Variants in CHIT1 observed in about 807,000 individuals in gnomAD.
CHIT1 encodes chitotriosidase-1.
A neutral mutation model predicts 52.0 loss-of-function variants in CHIT1; 47 were observed. The observed-to-expected ratio is 0.90, with a 90% CI of 0.71 to 1.15. The LOEUF is 1.15. CHIT1 is among the 50% of genes most tolerant of loss of function. The pLI, the probability that CHIT1 is intolerant of heterozygous loss-of-function variation, is 0.00. For synonymous variants in CHIT1, 242 were observed against 228.2 expected, an observed-to-expected ratio of 1.06 and a Z score of -0.54; for missense variants, 569 against 583.0, an observed-to-expected ratio of 0.98 and a Z score of 0.25.
rs563747129 is a variant in CHIT1 at position 203,216,307 on chromosome 1, G to C, written c.*582C>G. Reference sequence around the variant, plus strand: ...ATCTCGAAGACCCCTGAGTACCAGGGGTCTGAATTCTTAGTGTAATGCTGA... The same window carrying C: ...ATCTCGAAGACCCCTGAGTACCAGGCGTCTGAATTCTTAGTGTAATGCTGA... On this transcript the variant is annotated 3_prime_UTR_variant, in exon 11 of 11. Coordinates refer to ENST00000367229, the MANE Select transcript of CHIT1 (RefSeq NM_003465.3). 2.2e-6 allele frequency: 1 copy of C among 454,080 alleles called. No homozygotes were observed. The highest frequency in any genetic ancestry group is 1.6e-5 in the South Asian group (1 of 64,478). 28.1% of individuals were successfully genotyped at this position (454,080 alleles called of 1,614,324 possible).
In CHIT1 at chr1:203,225,655, C is replaced by T. The variant is rs548635283; in HGVS notation, c.257+14G>A. On this transcript the variant is annotated intron_variant, in intron 3 of 10. Coordinates refer to ENST00000367229, the MANE Select transcript of CHIT1 (RefSeq NM_003465.3). ...ACCACATCCCACCCACCCTGCTCCT[C>T]TGCTTTGGCTCACATCTTCTTCAGG... is the stretch of plus-strand genomic sequence containing the variant. The T allele has an allele frequency of 6.2e-7, 1 of 1,611,042 alleles. No homozygotes were observed. Among genetic ancestry groups the T allele is most frequent in the South Asian group, 1.1e-5 (1 of 91,008 alleles).
rs749765216 is a variant in CHIT1, at chr1:203,223,638, C to T, written c.337G>A (p.Ala113Thr). ...TQKFTDMVAT[A>T]NNRQTFVNSA... ...TTGACAAAGGTCTGACGGTTGTTGGCCGTGGCTACCATATCTGTGAACCTG... is the reference window on the plus strand; with the variant it reads ...TTGACAAAGGTCTGACGGTTGTTGGTCGTGGCTACCATATCTGTGAACCTG... Residue 113 changes from alanine (A) to threonine (T), a missense_variant, in exon 5 of 11, where the codon GCC becomes ACC. Coordinates refer to ENST00000367229, the MANE Select transcript of CHIT1 (RefSeq NM_003465.3). 2.5e-6 allele frequency: 4 copies of T among 1,614,148 alleles called. No individual in the cohort carries two copies. The highest frequency in any genetic ancestry group is 2.2e-5 in the East Asian group (1 of 44,888).
At chr1:203,224,190 C>T (rs1018081805) in intron 4 of CHIT1, among the ~76,000 whole-genome samples, 5 of 152,148 alleles carry the variant, frequency 3.3e-5, no homozygotes, top group African/African-American at 1.2e-4. Context: ...ACCCGTAGAG[C>T]GCTTTGTGTT....
At position 203,223,640 on chromosome 1, in the gene CHIT1, G is replaced by T; in HGVS notation, c.335C>A (p.Thr112Lys). Residue 112 changes from threonine (T) to lysine (K), a missense_variant, in exon 5 of 11, where the codon ACG (threonine) becomes AAG (lysine). By Grantham distance (78) the Thr-to-Lys change is moderately conservative. Transcript: ENST00000367229. ...GTQKFTDMVA[T>K]ANNRQTFVNS... The stretch of plus-strand genomic sequence containing the variant: ...GACAAAGGTCTGACGGTTGTTGGCC[G>T]TGGCTACCATATCTGTGAACCTGTG... 6.2e-7 allele frequency: 1 copy of T among 1,614,212 alleles called. No individual in the cohort carries two copies. Among genetic ancestry groups the T allele is most frequent in the South Asian group, 1.1e-5 (1 of 91,088 alleles).
At chr1:203,229,249 T>C (rs566728662) in intron 1 of CHIT1, among the ~76,000 whole-genome samples, 1 of 152,216 alleles carries the variant, frequency 6.6e-6, no homozygotes, top group African/African-American at 2.4e-5. Context: ...CAGTGGGCGC[T>C]TCTTGGATAA....
In CHIT1 at chr1:203,223,118, A is replaced by G. The variant is rs1410876537; in HGVS notation, c.605+17T>C. On this transcript the variant is annotated intron_variant, in intron 6 of 10. Coordinates refer to ENST00000367229, the MANE Select transcript of CHIT1 (RefSeq NM_003465.3). Reference sequence around the variant, plus strand: ...CCCTCAGAGAGCACAGCTCCAAGCCATCTGCCTGAGACTCACTGGGCGATT... The same window carrying G: ...CCCTCAGAGAGCACAGCTCCAAGCCGTCTGCCTGAGACTCACTGGGCGATT... 3 of 1,613,938 alleles carry G rather than the reference A, an allele frequency of 1.9e-6. No homozygotes were observed. Among genetic ancestry groups the G allele is most frequent in the Non-Finnish European group, 2.5e-6 (3 of 1,180,008 alleles).
rs1558158404 is a variant in CHIT1, at chr1:203,217,844, C to CCTAGACCATGGCCCCGCCCAGTCT, written c.1050_1051insAGACTGGGCGGGGCCATGGTCTAG (p.Lys350_Gly351insArgLeuGlyGlyAlaMetValTer). ...GCCCAGACCATGGCCCCGCCCAGTC[C>CCTAGACCATGGCCCCGCCCAGTCT]CTTCTGCTTCAGATAGCTGACCTGT... On this transcript the variant is annotated stop_gained and inframe_insertion, in exon 10 of 11. Coordinates refer to ENST00000367229, the MANE Select transcript of CHIT1 (RefSeq NM_003465.3). LOFTEE classifies it high-confidence loss of function. 2 of 1,613,488 alleles carry CCTAGACCATGGCCCCGCCCAGTCT rather than the reference C, an allele frequency of 1.2e-6. No homozygotes were observed. The highest frequency in any genetic ancestry group is 1.7e-5 in the Admixed American group (1 of 59,898).
intron 1 of CHIT1, 29 bp from the exon 2 acceptor site, chr1:203,228,591 G>T (rs777015160): frequency 1.8e-5 from 29 of 1,571,846 alleles, no homozygotes; most frequent in Middle Eastern, 3.4e-4. Context: ...GAAGGCCAGG[G>T]TTATGCTGCC....
intron 6 of CHIT1, 62 bp downstream of exon 6, chr1:203,223,073 G>C: frequency 6.2e-7 from 1 of 1,608,022 alleles, no homozygotes; most frequent in East Asian, 2.2e-5. Flanking sequence ...GGAAAGCTCA[G>C]TCTGCCCTTG....
Position 203,225,937 on chromosome 1 carries a change from A to T in CHIT1, c.56-67T>A, listed in dbSNP as rs146155118. The T allele has an allele frequency of 1.5e-4, 236 of 1,546,676 alleles. No homozygotes were observed. In the East Asian group the frequency reaches 4.9e-3, roughly 32 times the overall value. ...ACCTTCTGGGGACTGGTCACCCTCC[A>T]TCTGGGGTAGGCAATGTCCTTGGAC... On this transcript the variant is annotated intron_variant, in intron 2 of 10. Coordinates refer to ENST00000367229, the MANE Select transcript of CHIT1 (RefSeq NM_003465.3).
chr1:203,229,033 C>T (rs1305666433), intron 1 of CHIT1, among the ~76,000 whole-genome samples: 1 of 152,166 alleles, frequency 6.6e-6, no homozygotes, highest in Admixed American at 6.5e-5. Flanking sequence ...TGCCTTTCCG[C>T]TACCTGGCTG....
Position 203,216,824 on chromosome 1 carries a change from G to A in CHIT1, c.*65C>T, listed in dbSNP as rs1214670461. The A allele has an allele frequency of 1.2e-6, 2 of 1,610,094 alleles. No homozygotes were observed. Among genetic ancestry groups the A allele is most frequent in the African/African-American group, 1.3e-5 (1 of 74,844 alleles). On this transcript the variant is annotated 3_prime_UTR_variant, in exon 11 of 11. Coordinates refer to ENST00000367229, the MANE Select transcript of CHIT1 (RefSeq NM_003465.3). ...GATTGCGGCCCCCAGGGAAAACCCA[G>A]GAGGCAGGCTGTAGAGTGATCCTGG...
chr1:203,217,125 ATGGAAGACC>A lies in CHIT1; in HGVS notation c.1157-1_1164del, dbSNP rs1415224115. ...AGCTCTGGGGTGCCTGAAGGCAAGTATGGAAGACCTGGGAAGACAGTGAAGATTCAACCA... is the reference window on the plus strand; with the variant it reads ...AGCTCTGGGGTGCCTGAAGGCAAGTATGGGAAGACAGTGAAGATTCAACCA... On this transcript the variant is annotated splice_acceptor_variant and coding_sequence_variant, in exon 11 of 11. Coordinates refer to ENST00000367229, the MANE Select transcript of CHIT1 (RefSeq NM_003465.3). LOFTEE classifies it high-confidence loss of function. The A allele has an allele frequency of 1.9e-6, 3 of 1,605,476 alleles. No individual in the cohort carries two copies. Among genetic ancestry groups the A allele is most frequent in the Non-Finnish European group, 2.5e-6 (3 of 1,179,978 alleles).
rs775305615 is a variant in CHIT1 at position 203,219,819 on chromosome 1, C to G, written c.760G>C (p.Gly254Arg). ...AGGATCAGCTTGCTGGCAGGGGTCCCCTTCTGCAGCCACTGTTGCACAGCA... is the reference window on the plus strand; with the variant it reads ...AGGATCAGCTTGCTGGCAGGGGTCCGCTTCTGCAGCCACTGTTGCACAGCA... ...DAAVQQWLQK[G>R]TPASKLILGM... Residue 254 changes from glycine (G) to arginine (R), a missense_variant, in exon 8 of 11, where the codon GGG (glycine) becomes CGG (arginine). Physicochemically the swap from Gly to Arg is moderately radical, Grantham distance 125. Coordinates refer to ENST00000367229, the MANE Select transcript of CHIT1 (RefSeq NM_003465.3). 6.2e-7 allele frequency: 1 copy of G among 1,612,300 alleles called. No individual in the cohort carries two copies.
intron 5 of CHIT1, 41 bp downstream of exon 5, chr1:203,223,454 T>C (rs1469688501): frequency 1.2e-6 from 2 of 1,611,888 alleles, no homozygotes; most frequent in Middle Eastern, 1.9e-4. Context: ...CAGCTCTGGG[T>C]CCCTGCACAG....
At chr1:203,223,458 T>G (rs376370535) in intron 5 of CHIT1, 37 bp downstream of exon 5, 86 of 1,612,718 alleles carry the variant, frequency 5.3e-5, no homozygotes, top group Middle Eastern at 1.8e-4. Flanking sequence ...TCTGGGTCCC[T>G]GCACAGACTG....
Position 203,219,695 on chromosome 1 carries a change from G to A in CHIT1, c.884C>T (p.Thr295Ile). ...GTAGGCCAGCATCCCTCCTTCCTTGGTGAAGGGGCCTGGAGTGCCAGACCC... is the reference window on the plus strand; with the variant it reads ...GTAGGCCAGCATCCCTCCTTCCTTGATGAAGGGGCCTGGAGTGCCAGACCC... ...ATGSGTPGPF[T>I]KEGGMLAYYE... The change falls in exon 8 of 11, where the codon ACC (threonine) becomes ATC (isoleucine). Residue 295 changes from threonine (T) to isoleucine (I), a missense_variant. Physicochemically the swap from Thr to Ile is moderately conservative, Grantham distance 89. Coordinates refer to ENST00000367229, the MANE Select transcript of CHIT1 (RefSeq NM_003465.3). 6.2e-7 allele frequency: 1 copy of A among 1,614,140 alleles called. No individual in the cohort carries two copies. The highest frequency in any genetic ancestry group is 8.5e-7 in the Non-Finnish European group (1 of 1,180,028).
At chr1:203,227,913 G>A (rs951810920) in intron 2 of CHIT1, among the ~76,000 whole-genome samples, 3 of 152,194 alleles carry the variant, frequency 2.0e-5, no homozygotes, top group African/African-American at 7.2e-5. Context: ...GTTCTGAGAG[G>A]CCAGCATTCC....
chr1:203,216,814 G>T lies in CHIT1; in HGVS notation c.*75C>A. 6.2e-7 allele frequency: 1 copy of T among 1,605,602 alleles called. No homozygotes were observed. Among genetic ancestry groups the T allele is most frequent in the Non-Finnish European group, 8.5e-7 (1 of 1,174,800 alleles). On this transcript the variant is annotated 3_prime_UTR_variant, in exon 11 of 11. Transcript: ENST00000367229. Reference sequence around the variant, plus strand: ...GCAGGAGCCAGATTGCGGCCCCCAGGGAAAACCCAGGAGGCAGGCTGTAGA... The same window carrying T: ...GCAGGAGCCAGATTGCGGCCCCCAGTGAAAACCCAGGAGGCAGGCTGTAGA...
Sources: allele counts gnomAD v4.1 joint callset (sites outside exome capture counted in the v4.1 genomes callset), GRCh38; gene constraint gnomAD v4.1.1; transcripts MANE v1.5; gene names NCBI Gene and HGNC (gene_info 2026-07-23, HGNC 2026-07-21).